The following MGAT4C variants were observed in gnomAD, a reference collection of about 807,000 sequenced individuals.
The protein encoded by MGAT4C is MGAT4 family member C, also known as alpha-1,3-mannosyl-glycoprotein 4-beta-N-acetylglucosaminyltransferase C.
In MGAT4C, 19 loss-of-function variants were observed where a neutral mutation model predicts 40.1. That is an observed-to-expected ratio of 0.47 (90% confidence interval 0.33 to 0.70). The LOEUF is 0.70. MGAT4C is among the 30% of genes least tolerant of loss of function. The probability of loss-of-function intolerance (pLI) is 0.02; values close to 1 mark genes in which losing one functional copy is unlikely to be tolerated. For missense variants in MGAT4C, 491 were observed against 563.2 expected, an observed-to-expected ratio of 0.87 and a Z score of 1.30; for synonymous variants, 181 against 187.1, an observed-to-expected ratio of 0.97 and a Z score of 0.27.
intron 1 of MGAT4C, among the ~76,000 whole-genome samples, chr12:86,146,533 C>T (rs968209562): frequency 1.3e-4 from 20 of 151,860 alleles, no homozygotes; most frequent in Non-Finnish European, 2.1e-4. Flanking sequence ...GTTTCTTTTC[C>T]GTGTTCTCTT....
intron 1 of MGAT4C, among the ~76,000 whole-genome samples, chr12:86,217,079 A>C (rs1032109672): frequency 6.6e-6 from 1 of 152,240 alleles, no homozygotes; most frequent in East Asian, 1.9e-4. Flanking sequence ...ATTATGGCTG[A>C]GAAAAATCTT....
chr12:86,009,358 A>G (rs1888223350), intron 2 of MGAT4C, among the ~76,000 whole-genome samples: 1 of 152,182 alleles, frequency 6.6e-6, no homozygotes, highest in Non-Finnish European at 1.5e-5. Context: ...ATGAATGCTC[A>G]GACATAAAAT....
chr12:86,209,145 A>G (rs1950365605), intron 1 of MGAT4C, among the ~76,000 whole-genome samples: 1 of 152,120 alleles, frequency 6.6e-6, no homozygotes, highest in South Asian at 2.1e-4. Flanking sequence ...TATTCTTTGC[A>G]TATAATTTTT....
chr12:86,487,058 A>G (rs1958032403), intron 2 of MGAT4C, among the ~76,000 whole-genome samples: 1 of 152,172 alleles, frequency 6.6e-6, no homozygotes, highest in Non-Finnish European at 1.5e-5. Flanking sequence ...TTAATTTATA[A>G]CAATAACTGT....
chr12:86,251,505 T>C (rs537195407), intron 1 of MGAT4C, among the ~76,000 whole-genome samples: 1 of 152,198 alleles, frequency 6.6e-6, no homozygotes, highest in East Asian at 1.9e-4. Flanking sequence ...GCTCTTTTCT[T>C]GCTCTGCTGA....
chr12:86,782,479 A>G (rs1951864044), intron 1 of MGAT4C, among the ~76,000 whole-genome samples: 1 of 151,800 alleles, frequency 6.6e-6, no homozygotes, highest in Non-Finnish European at 1.5e-5. Context: ...CCGCGCCCAG[A>G]CCTAGTCATA....
At chr12:85,989,798 G>A (rs545904327) in intron 2 of MGAT4C, among the ~76,000 whole-genome samples, 44 of 152,056 alleles carry the variant, frequency 2.9e-4, no homozygotes, top group African/African-American at 1.1e-3. Context: ...AGTTACTGAC[G>A]AAAAAAGATG....
chr12:86,784,416 A>C (rs1461282940), intron 1 of MGAT4C, among the ~76,000 whole-genome samples: 1 of 152,098 alleles, frequency 6.6e-6, no homozygotes, highest in Non-Finnish European at 1.5e-5. Context: ...GAGAATACAA[A>C]ATTGGCAAGC....
intron 2 of MGAT4C, among the ~76,000 whole-genome samples, chr12:86,507,584 A>G (rs1182109275): frequency 1.3e-5 from 2 of 152,194 alleles, no homozygotes; most frequent in Non-Finnish European, 1.5e-5. Flanking sequence ...ACAGGAAGTA[A>G]AATGCATTTA....
At chr12:86,235,111 T>C (rs151310045) in intron 1 of MGAT4C, among the ~76,000 whole-genome samples, 1 of 152,060 alleles carries the variant, frequency 6.6e-6, no homozygotes. Flanking sequence ...TACATCTTCA[T>C]AGGTTTATTT....
chr12:86,373,373 T>C (rs2136213220), intron 3 of MGAT4C, among the ~76,000 whole-genome samples: 2 of 152,130 alleles, frequency 1.3e-5, no homozygotes, highest in South Asian at 4.1e-4. Context: ...TAAACATTTA[T>C]CATGATTGCA....
At chr12:86,357,638 C>G (rs1381250231) in intron 3 of MGAT4C, among the ~76,000 whole-genome samples, 1 of 152,068 alleles carries the variant, frequency 6.6e-6, no homozygotes, top group Non-Finnish European at 1.5e-5. Flanking sequence ...ACTTAAATGA[C>G]CTGATGGAGC....
At chr12:86,678,476 T>C (rs1372455917) in intron 2 of MGAT4C, among the ~76,000 whole-genome samples, 5 of 151,796 alleles carry the variant, frequency 3.3e-5, no homozygotes, top group Admixed American at 2.6e-4. Context: ...ATGTGCACAA[T>C]GTGCAGGTTA....
intron 2 of MGAT4C, among the ~76,000 whole-genome samples, chr12:86,670,072 A>G (rs1206328223): frequency 6.6e-6 from 1 of 152,186 alleles, no homozygotes; most frequent in Non-Finnish European, 1.5e-5. Context: ...AACACCTGAA[A>G]GAAAATAAAT....
chr12:86,352,350 G>A (rs1251265196), intron 3 of MGAT4C, among the ~76,000 whole-genome samples: 1 of 151,980 alleles, frequency 6.6e-6, no homozygotes, highest in African/African-American at 2.4e-5. Flanking sequence ...TATTTAGTAT[G>A]TAATATACAT....
At chr12:86,031,727 T>G (rs1421346424) in intron 2 of MGAT4C, among the ~76,000 whole-genome samples, 1 of 151,864 alleles carries the variant, frequency 6.6e-6, no homozygotes, top group Non-Finnish European at 1.5e-5. Flanking sequence ...TGCAATTGTG[T>G]TTTTACTTTA....
intron 1 of MGAT4C, among the ~76,000 whole-genome samples, chr12:86,144,736 C>T (rs755080718): frequency 4.6e-5 from 7 of 152,074 alleles, no homozygotes; most frequent in Non-Finnish European, 1.0e-4. Context: ...TTACAAGAGA[C>T]TTTATGTTTT....
intron 2 of MGAT4C, among the ~76,000 whole-genome samples, chr12:86,723,949 TTGTGTA>T (rs1950779002): frequency 1.3e-5 from 2 of 152,196 alleles, no homozygotes; most frequent in East Asian, 1.9e-4. Flanking sequence ...TGTTCACAAA[TTGTGTA>T]TGTGTAAGTC....
At chr12:86,578,798 A>T (rs1960662772) in intron 2 of MGAT4C, among the ~76,000 whole-genome samples, 1 of 151,552 alleles carries the variant, frequency 6.6e-6, no homozygotes, top group African/African-American at 2.4e-5. Flanking sequence ...TTAAATTTTC[A>T]GAAAACTTTT....
Sources: gnomAD v4.1 joint callset for allele counts (sites outside exome capture counted in the v4.1 genomes callset) on GRCh38, gnomAD v4.1.1 for gene constraint, MANE v1.5 for transcripts, NCBI Gene and HGNC (gene_info 2026-07-23, HGNC 2026-07-21) for gene names.